ENDOV: variants seen among roughly 807,000 people sequenced by gnomAD.
ENDOV encodes hEndoV.
Under a neutral mutation model 39.4 loss-of-function variants are expected in ENDOV, and 37 were observed. The observed-to-expected ratio is 0.94, with a 90% CI of 0.72 to 1.23. The LOEUF is 1.23. ENDOV is among the 50% of genes most tolerant of loss of function. ENDOV has a pLI of 0.00. For missense variants in ENDOV, 441 were observed against 375.7 expected, an observed-to-expected ratio of 1.17 and a Z score of -1.44; for synonymous variants, 186 against 163.4, an observed-to-expected ratio of 1.14 and a Z score of -1.05.
chr17:80,425,949 C>G (rs535190349), intron 7 of ENDOV, among the ~76,000 whole-genome samples: 2 of 152,340 alleles, frequency 1.3e-5, no homozygotes, highest in South Asian at 4.1e-4. Flanking sequence ...GGTGAGGTGT[C>G]CTGCCAGTTC....
intron 9 of ENDOV, chr17:80,430,105 C>T (rs1201974898): frequency 2.0e-6 from 3 of 1,534,616 alleles, no homozygotes; most frequent in African/African-American, 1.4e-5. Context: ...GCAGCACAGC[C>T]CAGCACCAGG....
intron 4 of ENDOV, 48 bp downstream of exon 4, chr17:80,422,293 G>C (rs549301436): frequency 1.9e-5 from 31 of 1,604,268 alleles, no homozygotes; most frequent in Middle Eastern, 1.7e-4. Flanking sequence ...GGGAAGAGCG[G>C]GGGGAGAGGG....
At chr17:80,427,639 T>G in intron 7 of ENDOV, 3 of 1,199,454 alleles carry the variant, frequency 2.5e-6, no homozygotes, top group Non-Finnish European at 3.2e-6. Context: ...CGGTCCATTT[T>G]CTTCCTGAGC....
intron 2 of ENDOV, chr17:80,418,820 A>G (rs886968905): frequency 1.3e-5 from 2 of 152,180 alleles, no homozygotes; most frequent in Non-Finnish European, 1.5e-5. Context: ...CCATCGCATT[A>G]TATGTTTTAA....
chr17:80,427,610 C>G (rs947488849), intron 7 of ENDOV: 2 of 1,150,918 alleles, frequency 1.7e-6, no homozygotes, highest in African/African-American at 3.2e-5. Flanking sequence ...TCGTGTCCTG[C>G]AGGGCTGGCT....
chr17:80,425,471 C>A (rs763555138), intron 6 of ENDOV, 21 bp from the exon 7 acceptor site: 1 of 1,586,936 alleles, frequency 6.3e-7, no homozygotes, highest in Non-Finnish European at 8.5e-7. Context: ...CACAGGACAG[C>A]CCTCGCCTTC....
At chr17:80,423,179 G>A (rs1287606162) in intron 4 of ENDOV, among the ~76,000 whole-genome samples, 2 of 152,214 alleles carry the variant, frequency 1.3e-5, no homozygotes, top group African/African-American at 2.4e-5. Context: ...CCACATGCTC[G>A]TGCCAGCGCT....
Position 80,436,155 on chromosome 17 carries a change from A to G in ENDOV, c.*12A>G, listed in dbSNP as rs771550119. On this transcript the variant is annotated 3_prime_UTR_variant, in exon 10 of 10. Transcript: ENST00000518137. ...TAGCACTTTGTTGAACGTGGTGGTGAGAGCACACGTCCTCGTCTCATTCCT... is the reference window on the plus strand; with the variant it reads ...TAGCACTTTGTTGAACGTGGTGGTGGGAGCACACGTCCTCGTCTCATTCCT... 4 of 1,603,624 alleles carry G rather than the reference A, an allele frequency of 2.5e-6. No homozygotes were observed. The highest frequency in any genetic ancestry group is 2.6e-6 in the Non-Finnish European group (3 of 1,175,660).
At chr17:80,431,494 TAA>T (rs968411083) in intron 9 of ENDOV, among the ~76,000 whole-genome samples, 8 of 152,300 alleles carry the variant, frequency 5.3e-5, no homozygotes, top group African/African-American at 1.9e-4. Context: ...ACCTTGTGCC[TAA>T]AGTCACGGGG....
intron 7 of ENDOV, among the ~76,000 whole-genome samples, chr17:80,426,369 G>A (rs1359318724): frequency 1.3e-5 from 2 of 152,314 alleles, no homozygotes; most frequent in South Asian, 2.1e-4. Flanking sequence ...GAAATGGGGG[G>A]CCCGGAGGGT....
chr17:80,424,598 G>A (rs1257268524), intron 5 of ENDOV, among the ~76,000 whole-genome samples: 1 of 152,046 alleles, frequency 6.6e-6, no homozygotes, highest in East Asian at 1.9e-4. Context: ...CTTTGCCTGG[G>A]CTGTGGCTCA....
At chr17:80,420,044 A>C in intron 2 of ENDOV, 1 of 237,666 alleles carries the variant, frequency 4.2e-6, no homozygotes. Flanking sequence ...TATTCCTTCT[A>C]CTTAGGTTCA....
In ENDOV at chr17:80,421,847, G is replaced by A. The variant is rs759977970; in HGVS notation, c.248G>A (p.Arg83His). The change falls in exon 3 of 10, where the codon CGC becomes CAC. Residue 83 changes from arginine (R) to histidine (H), a missense_variant. Coordinates refer to ENST00000518137, the MANE Select transcript of ENDOV (RefSeq NM_173627.5). ...TGTCAGGTGGTGTATGAGGAGAGCC[G>A]CATGGTCAGCCTCACAGCCCCCTAC... ...PELEVVYEES[R>H]MVSLTAPYVS... 38 of 1,599,570 alleles carry A rather than the reference G, an allele frequency of 2.4e-5. No individual in the cohort carries two copies. The highest frequency in any genetic ancestry group is 2.3e-4 in the East Asian group (10 of 44,326).
intron 2 of ENDOV, chr17:80,419,523 T>C (rs1381252114): frequency 2.9e-6 from 2 of 693,920 alleles, no homozygotes; most frequent in Admixed American, 4.0e-5. Context: ...CGCTGAGCAA[T>C]GGCTAGTGTG....
In ENDOV at chr17:80,415,678, G is replaced by A. The variant is rs35549084; in HGVS notation, c.85G>A (p.Val29Ile). The A allele has an allele frequency of 0.051, 82,358 of 1,612,260 alleles. 2,358 individuals carry two copies. The highest frequency in any genetic ancestry group is 0.061 in the South Asian group (5,522 of 90,692). The change falls in exon 2 of 10, where the codon GTA becomes ATA. Residue 29 changes from valine to isoleucine, a missense_variant. Val to Ile is a conservative substitution (Grantham distance 29). Coordinates refer to ENST00000518137, the MANE Select transcript of ENDOV (RefSeq NM_173627.5). Reference protein sequence around the residue: ...REQARLKAHVVDRDTEAWQRD... With the variant: ...REQARLKAHVIDRDTEAWQRD... ...GCAAGCTCGGCTGAAGGCCCACGTC[G>A]TAGACCGGGACACCGAGGCGTGGCA...
intron 1 of ENDOV, 113 bp downstream of exon 1, chr17:80,415,363 A>G: frequency 7.6e-7 from 1 of 1,308,554 alleles, no homozygotes; most frequent in Non-Finnish European, 1.1e-6. Flanking sequence ...ACCGCCCGAG[A>G]CTCCAAAGCA....
At chr17:80,429,409 C>T (rs908358529) in intron 8 of ENDOV, among the ~76,000 whole-genome samples, 3 of 152,226 alleles carry the variant, frequency 2.0e-5, no homozygotes, top group Admixed American at 6.5e-5. Flanking sequence ...AGGCAAAGAT[C>T]GCAGGAGGCC....
Position 80,421,742 on chromosome 17 carries a change from A to G in ENDOV, c.229-86A>G, listed in dbSNP as rs576334760. 52 of 1,504,580 alleles carry G rather than the reference A, an allele frequency of 3.5e-5. No homozygotes were observed. In the East Asian group the frequency reaches 8.8e-4, roughly 26 times the overall value. 93.2% of individuals were successfully genotyped at this position (1,504,580 alleles called of 1,614,324 possible). ...AGGGTGACGTAAGGGAGAGGGAAGGATGAGGGGGGCAGGGCATGGACGGAC... is the reference window on the plus strand; with the variant it reads ...AGGGTGACGTAAGGGAGAGGGAAGGGTGAGGGGGGCAGGGCATGGACGGAC... On this transcript the variant is annotated intron_variant, in intron 2 of 9. Coordinates refer to ENST00000518137, the MANE Select transcript of ENDOV (RefSeq NM_173627.5).
chr17:80,427,117 T>C (rs900115579), intron 7 of ENDOV, among the ~76,000 whole-genome samples: 6 of 152,370 alleles, frequency 3.9e-5, no homozygotes, highest in Middle Eastern at 3.4e-3. Flanking sequence ...TGCTCAGTGG[T>C]GGCGTCTGAG....
Sources: allele counts gnomAD v4.1 joint callset (sites outside exome capture counted in the v4.1 genomes callset), GRCh38; gene constraint gnomAD v4.1.1; transcripts MANE v1.5; gene names NCBI Gene and HGNC (gene_info 2026-07-23, HGNC 2026-07-21).